CNOT4: variants seen among roughly 807,000 people sequenced by gnomAD.
The protein encoded by CNOT4 is CCR4-associated factor 4.
In CNOT4, 8 loss-of-function variants were observed where a neutral mutation model predicts 73.8. That is an observed-to-expected ratio of 0.11 (90% CI 0.06 to 0.20). CNOT4 has a LOEUF of 0.20. CNOT4 is among the 10% of genes least tolerant of loss of function. CNOT4 has a pLI of 1.00. For missense variants in CNOT4, 564 were observed against 883.4 expected, an observed-to-expected ratio of 0.64 and a Z score of 4.58; for synonymous variants, 293 against 321.1, an observed-to-expected ratio of 0.91 and a Z score of 0.94.
intron 1 of CNOT4, among the ~76,000 whole-genome samples, chr7:135,471,559 A>G (rs1311317577): frequency 6.6e-6 from 1 of 152,242 alleles, no homozygotes; most frequent in African/African-American, 2.4e-5. Context: ...AAGCAAGATT[A>G]TCAAGACATA....
intron 7 of CNOT4, among the ~76,000 whole-genome samples, chr7:135,400,423 G>A (rs113253338): frequency 0.035 from 5,336 of 152,072 alleles, 319 homozygotes; most frequent in African/African-American, 0.12. Flanking sequence ...GAAAGAGGTG[G>A]TAACAGAAAC....
Position 135,413,578 on chromosome 7 carries a change from G to A in CNOT4, c.597C>T (p.Phe199=). The part of the protein sequence containing the change: ...SLGTTKYCSY[F]LKNMQCPKPD... ...GTTTTGGACACTGCATATTCTTTAA[G>A]AAGTAACTGCAGTATTTTGTTGTAC... is the stretch of plus-strand genomic sequence containing the variant. The change falls in exon 6 of 12, where the codon TTC becomes TTT. Residue 199 remains phenylalanine, a synonymous_variant. Coordinates refer to ENST00000541284, the MANE Select transcript of CNOT4 (RefSeq NM_001190850.2). 1 of 1,611,296 alleles carries A rather than the reference G, an allele frequency of 6.2e-7. No homozygotes were observed. Among genetic ancestry groups the A allele is most frequent in the South Asian group, 1.1e-5 (1 of 90,956 alleles).
intron 1 of CNOT4, among the ~76,000 whole-genome samples, chr7:135,449,696 C>A (rs1800047624): frequency 6.6e-6 from 1 of 152,088 alleles, no homozygotes; most frequent in Non-Finnish European, 1.5e-5. Context: ...TAGGAAATAA[C>A]AACCCTGAAA....
At chr7:135,487,772 G>C (rs1802826549) in intron 1 of CNOT4, among the ~76,000 whole-genome samples, 1 of 152,142 alleles carries the variant, frequency 6.6e-6, no homozygotes, top group South Asian at 2.1e-4. Flanking sequence ...CGAGCACAGA[G>C]GCCAGGCACG....
intron 8 of CNOT4, among the ~76,000 whole-genome samples, chr7:135,397,404 T>A (rs1190282212): frequency 2.0e-5 from 3 of 152,290 alleles, no homozygotes; most frequent in Admixed American, 2.0e-4. Flanking sequence ...AATGGGCAAC[T>A]AAAATACACA....
intron 1 of CNOT4, among the ~76,000 whole-genome samples, chr7:135,490,827 A>G (rs1803061807): frequency 6.6e-6 from 1 of 152,244 alleles, no homozygotes; most frequent in Non-Finnish European, 1.5e-5. Context: ...TGCTGTGTTA[A>G]TAACAGACTA....
At chr7:135,397,208 T>C (rs1365290347) in intron 8 of CNOT4, among the ~76,000 whole-genome samples, 1 of 152,066 alleles carries the variant, frequency 6.6e-6, no homozygotes, top group African/African-American at 2.4e-5. Flanking sequence ...AAAAAAATAA[T>C]GTAAAACTTC....
chr7:135,449,204 G>A (rs1800017335), intron 1 of CNOT4, among the ~76,000 whole-genome samples: 1 of 152,252 alleles, frequency 6.6e-6, no homozygotes, highest in South Asian at 2.1e-4. Flanking sequence ...GGTGATAAAA[G>A]TCATGATAGT....
chr7:135,498,667 G>A (rs1197253198), intron 1 of CNOT4, among the ~76,000 whole-genome samples: 3 of 152,118 alleles, frequency 2.0e-5, no homozygotes, highest in African/African-American at 7.2e-5. Context: ...TCCTGCCTCA[G>A]CCTCCTGAGT....
At chr7:135,400,320 A>G (rs1187370933) in intron 7 of CNOT4, among the ~76,000 whole-genome samples, 1 of 152,120 alleles carries the variant, frequency 6.6e-6, no homozygotes, top group Non-Finnish European at 1.5e-5. Flanking sequence ...AGTGTTTTAG[A>G]AAGATTAATT....
chr7:135,369,317 C>T (rs1262761687), intron 10 of CNOT4, among the ~76,000 whole-genome samples: 2 of 152,134 alleles, frequency 1.3e-5, no homozygotes, highest in African/African-American at 4.8e-5. Context: ...GGATATTGTG[C>T]CGTCTTGGAA....
chr7:135,423,170 C>T (rs1050347981), intron 2 of CNOT4, among the ~76,000 whole-genome samples: 2 of 151,980 alleles, frequency 1.3e-5, no homozygotes, highest in African/African-American at 4.8e-5. Context: ...ATGGAAGATG[C>T]GGCACATTAT....
intron 10 of CNOT4, among the ~76,000 whole-genome samples, chr7:135,390,400 C>G (rs1456377521): frequency 6.6e-6 from 1 of 151,754 alleles, no homozygotes; most frequent in Non-Finnish European, 1.5e-5. Context: ...CGTTTTAGGA[C>G]AAGGTAAATC....
At chr7:135,445,619 A>G (rs1366054841) in intron 1 of CNOT4, among the ~76,000 whole-genome samples, 3 of 152,194 alleles carry the variant, frequency 2.0e-5, no homozygotes, top group African/African-American at 7.2e-5. Flanking sequence ...CTTGTTCTAA[A>G]ACAATCTGTC....
intron 1 of CNOT4, among the ~76,000 whole-genome samples, chr7:135,508,455 C>T (rs1804512462): frequency 6.6e-6 from 1 of 152,210 alleles, no homozygotes; most frequent in Admixed American, 6.5e-5. Context: ...TCCCAGCCCC[C>T]TTCTTTTCTA....
chr7:135,410,095 T>G (rs1797511477), intron 7 of CNOT4, among the ~76,000 whole-genome samples: 1 of 152,142 alleles, frequency 6.6e-6, no homozygotes, highest in African/African-American at 2.4e-5. Context: ...TAGATATCCT[T>G]GAATATCTGT....
intron 10 of CNOT4, among the ~76,000 whole-genome samples, chr7:135,381,291 C>T (rs1795833991): frequency 6.6e-6 from 1 of 152,194 alleles, no homozygotes; most frequent in Admixed American, 6.5e-5. Flanking sequence ...CATTCAACCA[C>T]ACATGCATAT....
intron 1 of CNOT4, among the ~76,000 whole-genome samples, chr7:135,454,466 C>G: frequency 6.6e-6 from 1 of 150,998 alleles, no homozygotes; most frequent in East Asian, 1.9e-4. Flanking sequence ...CCAGCCTGGG[C>G]AATATGGCGA....
chr7:135,390,567 C>T (rs901370734), intron 10 of CNOT4, among the ~76,000 whole-genome samples: 3 of 151,872 alleles, frequency 2.0e-5, no homozygotes, highest in Admixed American at 2.0e-4. Flanking sequence ...AAAGGTTTCA[C>T]CTAATTAAGG....
Sources: gnomAD v4.1 joint callset for allele counts (sites outside exome capture counted in the v4.1 genomes callset) on GRCh38, gnomAD v4.1.1 for gene constraint, MANE v1.5 for transcripts, NCBI Gene and HGNC (gene_info 2026-07-23, HGNC 2026-07-21) for gene names.